TESC: variants seen among roughly 807,000 people sequenced by gnomAD.
TESC encodes calcineurin B homologous protein 3.
Under a neutral mutation model 31.0 loss-of-function variants are expected in TESC, and 19 were observed. That is an observed-to-expected ratio of 0.61 (90% CI 0.43 to 0.90). The LOEUF is 0.90. TESC is among the 40% of genes least tolerant of loss of function. TESC has a pLI of 0.00. For missense variants in TESC, 248 were observed against 303.8 expected (o/e 0.82, Z 1.36); for synonymous variants, 109 against 114.8 (o/e 0.95, Z 0.32).
intron 2 of TESC, among the ~76,000 whole-genome samples, chr12:117,058,565 TA>T (rs10637829): frequency 0.021 from 2,379 of 113,296 alleles, 19 homozygotes; most frequent in Middle Eastern, 0.038. Flanking sequence ...GTAAAGCTGT[TA>T]AAAAAAAAAA....
At chr12:117,069,425 G>A (rs1593010109) in intron 2 of TESC, among the ~76,000 whole-genome samples, 1 of 152,252 alleles carries the variant, frequency 6.6e-6, no homozygotes, top group East Asian at 1.9e-4. Context: ...TTTCAGTAGA[G>A]ACGAGGTTTC....
chr12:117,048,219 A>C (rs910495159), intron 4 of TESC, among the ~76,000 whole-genome samples: 1 of 152,190 alleles, frequency 6.6e-6, no homozygotes, highest in Non-Finnish European at 1.5e-5. Context: ...AAGGGACAGG[A>C]AACCAGGGAT....
At chr12:117,068,005 C>A (rs941910542) in intron 2 of TESC, among the ~76,000 whole-genome samples, 3 of 152,194 alleles carry the variant, frequency 2.0e-5, no homozygotes, top group Non-Finnish European at 2.9e-5. Context: ...AATCTTCCCA[C>A]CTCAGCCTCC....
At chr12:117,050,124 T>C (rs1954626520) in intron 3 of TESC, among the ~76,000 whole-genome samples, 1 of 149,906 alleles carries the variant, frequency 6.7e-6, no homozygotes, top group South Asian at 2.1e-4. Flanking sequence ...TTTAAATAGT[T>C]GAAAAAATGC....
chr12:117,070,875 G>T, intron 2 of TESC, among the ~76,000 whole-genome samples: 1 of 152,164 alleles, frequency 6.6e-6, no homozygotes, highest in East Asian at 1.9e-4. Context: ...GGAGGCTGAA[G>T]CAGGAGGAGC....
At chr12:117,041,141 C>T (rs1490810051) in intron 7 of TESC, among the ~76,000 whole-genome samples, 1 of 152,218 alleles carries the variant, frequency 6.6e-6, no homozygotes, top group African/African-American at 2.4e-5. Flanking sequence ...GCCTAACCAC[C>T]ATCCACTAGC....
chr12:117,095,535 A>AT (rs1955381214), intron 1 of TESC, among the ~76,000 whole-genome samples: 1 of 152,342 alleles, frequency 6.6e-6, no homozygotes, highest in East Asian at 1.9e-4. Flanking sequence ...CTTGGTTCCT[A>AT]GAAATTCAAG....
At chr12:117,084,225 C>T (rs1333799527) in intron 1 of TESC, 1 of 151,924 alleles carries the variant, frequency 6.6e-6, no homozygotes, top group Non-Finnish European at 1.5e-5. Flanking sequence ...AATGTAAAAA[C>T]TGTTTAACCT....
chr12:117,071,071 A>G (rs149263928), intron 2 of TESC, among the ~76,000 whole-genome samples: 8 of 152,372 alleles, frequency 5.3e-5, no homozygotes, highest in Admixed American at 4.6e-4. Context: ...TCTACGTGCC[A>G]AGACCCCTGC....
At chr12:117,061,474 G>A (rs1954800144) in intron 2 of TESC, among the ~76,000 whole-genome samples, 1 of 151,982 alleles carries the variant, frequency 6.6e-6, no homozygotes, top group Non-Finnish European at 1.5e-5. Flanking sequence ...CCACCTAGAA[G>A]AGCCTGACCC....
chr12:117,095,534 T>C (rs1053080540), intron 1 of TESC, among the ~76,000 whole-genome samples: 33 of 152,312 alleles, frequency 2.2e-4, no homozygotes, highest in African/African-American at 6.3e-4. Context: ...TCTTGGTTCC[T>C]AGAAATTCAA....
At chr12:117,092,356 G>T (rs1026948560) in intron 1 of TESC, among the ~76,000 whole-genome samples, 1 of 152,216 alleles carries the variant, frequency 6.6e-6, no homozygotes, top group Admixed American at 6.5e-5. Flanking sequence ...TGGGGCCCAG[G>T]TGAACAGAAT....
rs759087841 is a variant in TESC, at chr12:117,046,724, G to A, written c.411+53C>T. The stretch of plus-strand genomic sequence containing the variant: ...TGGGCCTCCATCAGGGTCGTGGGGG[G>A]CAGAGGGGGAAGGCACCAGGAGCCC... On this transcript the variant is annotated intron_variant, in intron 5 of 7. Transcript: ENST00000335209. 5.3e-5 allele frequency: 83 copies of A among 1,553,252 alleles called. No individual in the cohort carries two copies. The African/African-American group carries it at 1.1e-3, about 20-fold the overall frequency.
intron 2 of TESC, among the ~76,000 whole-genome samples, chr12:117,063,431 CA>C (rs1482116834): frequency 6.6e-6 from 1 of 152,156 alleles, no homozygotes; most frequent in Non-Finnish European, 1.5e-5. Context: ...GGACCAGGCT[CA>C]AAAAACCACC....
chr12:117,057,004 T>C (rs904564239), intron 2 of TESC, 118 bp from the exon 3 acceptor site: 4 of 928,240 alleles, frequency 4.3e-6, no homozygotes, highest in Middle Eastern at 2.1e-4. Flanking sequence ...CCCACAAGAA[T>C]AGTTCAGAGT....
At chr12:117,084,754 C>T (rs144175670) in intron 1 of TESC, among the ~76,000 whole-genome samples, 2 of 152,182 alleles carry the variant, frequency 1.3e-5, no homozygotes, top group Non-Finnish European at 2.9e-5. Flanking sequence ...TGTCAGCATG[C>T]GCTCCCATCC....
At position 117,099,266 on chromosome 12, in the gene TESC, G is replaced by A. The variant is rs1402687997; in HGVS notation, c.17C>T (p.Ser6Phe). MGAAHSASEEVRELEG... is the reference protein window; with the variant it reads MGAAHFASEEVRELEG... ...GAGCTCCCGCACCTCCTCAGACGCG[G>A]AGTGGGCAGCGCCCATGGTGCCCGC... The change falls in exon 1 of 8, where the codon TCC (serine) becomes TTC (phenylalanine). Residue 6 changes from serine to phenylalanine, a missense_variant. Coordinates refer to ENST00000335209, the MANE Select transcript of TESC (RefSeq NM_017899.4). 13 of 1,467,186 alleles carry A rather than the reference G, an allele frequency of 8.9e-6. No homozygotes were observed. The highest frequency in any genetic ancestry group is 1.2e-5 in the Non-Finnish European group (13 of 1,117,056). The allele number at this position is 1,467,186 out of a possible 1,614,324, so 90.9% of individuals were successfully genotyped here.
At chr12:117,080,419 G>C (rs940267691) in intron 1 of TESC, among the ~76,000 whole-genome samples, 1 of 152,234 alleles carries the variant, frequency 6.6e-6, no homozygotes, top group South Asian at 2.1e-4. Flanking sequence ...AGTGAGCCCA[G>C]ATCGCACCAC....
chr12:117,085,374 G>A (rs1394651627), intron 1 of TESC, among the ~76,000 whole-genome samples: 1 of 152,188 alleles, frequency 6.6e-6, no homozygotes, highest in African/African-American at 2.4e-5. Context: ...GGGTGTGGAT[G>A]AGACTGAGAG....
Sources: allele counts gnomAD v4.1 joint callset (sites outside exome capture counted in the v4.1 genomes callset), GRCh38; gene constraint gnomAD v4.1.1; transcripts MANE v1.5; gene names NCBI Gene and HGNC (gene_info 2026-07-23, HGNC 2026-07-21).